The following XYLB variants were observed in gnomAD, a reference collection of about 807,000 sequenced individuals.
XYLB encodes xylulokinase, also known as xylulose kinase.
Under a neutral mutation model 78.7 loss-of-function variants are expected in XYLB, and 62 were observed. That is an observed-to-expected ratio of 0.79 (90% CI 0.64 to 0.97). The LOEUF is 0.97. XYLB is among the 50% of genes least tolerant of loss of function. The pLI is 0.00. For synonymous variants in XYLB, 245 were observed against 247.4 expected (o/e 0.99, Z 0.09); for missense variants, 687 against 676.8 (o/e 1.02, Z -0.17).
intron 18 of XYLB, among the ~76,000 whole-genome samples, chr3:38,407,814 A>G (rs1708392961): frequency 6.6e-6 from 1 of 151,086 alleles, no homozygotes; most frequent in Non-Finnish European, 1.5e-5. Context: ...TAAAGGGATC[A>G]GTTCAACAAG....
In XYLB at chr3:38,349,725, C is replaced by T. The variant is rs73064886; in HGVS notation, c.140+1093C>T. Among the ~76,000 whole-genome samples the T allele has an allele frequency of 1.2e-3, 182 of 152,266 alleles. 1 individual carries two copies. Among genetic ancestry groups the T allele is most frequent in the Non-Finnish European group, 1.7e-3 (118 of 68,018 alleles). ...AAGAGCGGAAATTTATATTCTCACA[C>T]ATCTGGCCGTTAGGAGTCTAAAATC... On this transcript the variant is annotated intron_variant, in intron 2 of 18. Transcript: ENST00000207870.
chr3:38,402,203 G>A (rs547803625), intron 18 of XYLB, among the ~76,000 whole-genome samples: 37 of 152,196 alleles, frequency 2.4e-4, no homozygotes, highest in African/African-American at 7.9e-4. Context: ...AAGAAACTGC[G>A]AGCAAACCTG....
In XYLB at chr3:38,351,171, C is replaced by CAAAAAA. The variant is rs58457623; in HGVS notation, c.140+2562_140+2567dup. Among the ~76,000 whole-genome samples, 53 of 23,084 alleles carry CAAAAAA rather than the reference C, an allele frequency of 2.3e-3. 7 individuals carry two copies. The highest frequency in any genetic ancestry group is 4.5e-3 in the East Asian group (4 of 898). 15.1% of individuals were successfully genotyped at this position (23,084 alleles called of 152,430 possible). ...TGGACAACAGAGGGAGAGCCTGTCT[C>CAAAAAA]AAAAAAAAAAAAAAAAAAAAAAAAA... On this transcript the variant is annotated intron_variant, in intron 2 of 18. Coordinates refer to ENST00000207870, the MANE Select transcript of XYLB (RefSeq NM_005108.4).
intron 2 of XYLB, among the ~76,000 whole-genome samples, chr3:38,352,213 T>G (rs944096515): frequency 3.3e-5 from 5 of 152,234 alleles, no homozygotes; most frequent in Non-Finnish European, 7.3e-5. Context: ...CTTTTTTTCT[T>G]TCTTTTTTTG....
At chr3:38,421,602 A>G (rs921830892), downstream of XYLB, among the ~76,000 whole-genome samples, 10 of 151,918 alleles carry the variant, frequency 6.6e-5, no homozygotes, top group Non-Finnish European at 7.3e-5. Context: ...AAAAAGGCAT[A>G]TAAGGATGGT....
intron 2 of XYLB, among the ~76,000 whole-genome samples, chr3:38,354,172 CAAGT>C (rs932925607): frequency 1.3e-5 from 2 of 151,400 alleles, no homozygotes; most frequent in Admixed American, 1.3e-4. Flanking sequence ...CTCCTGGGTT[CAAGT>C]GATTCTTCTG....
intron 15 of XYLB, among the ~76,000 whole-genome samples, chr3:38,389,670 C>T (rs1039404665): frequency 6.6e-6 from 1 of 152,168 alleles, no homozygotes; most frequent in Non-Finnish European, 1.5e-5. Flanking sequence ...TTTAGTTCAC[C>T]AGTAGTTGCA....
At chr3:38,429,344 G>T in the XYLB span, among the ~76,000 whole-genome samples, 1 of 152,226 alleles carries the variant, frequency 6.6e-6, no homozygotes, top group African/African-American at 2.4e-5. Flanking sequence ...ACCTGCAACA[G>T]CTTCTTTGTT....
At chr3:38,363,199 C>T (rs899841906) in intron 4 of XYLB, among the ~76,000 whole-genome samples, 182 bp downstream of exon 4, 9 of 152,092 alleles carry the variant, frequency 5.9e-5, no homozygotes, top group Non-Finnish European at 1.0e-4. Flanking sequence ...TAACTTGTCT[C>T]GTTGCAAAAG....
chr3:38,427,254 G>A, the XYLB span, among the ~76,000 whole-genome samples: 1 of 152,092 alleles, frequency 6.6e-6, no homozygotes, highest in African/African-American at 2.4e-5. Context: ...GCTGGTCTTG[G>A]CACCATGTTG....
At chr3:38,374,850 C>T (rs1706765060) in intron 11 of XYLB, among the ~76,000 whole-genome samples, 1 of 152,162 alleles carries the variant, frequency 6.6e-6, no homozygotes, top group African/African-American at 2.4e-5. Context: ...CCAGACATTC[C>T]TACTTCTAGT....
intron 18 of XYLB, among the ~76,000 whole-genome samples, chr3:38,405,272 C>T (rs1708265996): frequency 6.6e-6 from 1 of 150,752 alleles, no homozygotes; most frequent in South Asian, 2.1e-4. Flanking sequence ...CACGGTGGCT[C>T]ATACCTATAA....
the XYLB span, among the ~76,000 whole-genome samples, chr3:38,433,182 T>A: frequency 6.6e-6 from 1 of 152,226 alleles, no homozygotes; most frequent in Non-Finnish European, 1.5e-5. Context: ...GCTTGCACCC[T>A]CTGAAGCCAC....
chr3:38,432,189 T>G, the XYLB span, among the ~76,000 whole-genome samples: 1 of 152,202 alleles, frequency 6.6e-6, no homozygotes, highest in Non-Finnish European at 1.5e-5. Flanking sequence ...GAACTTAATT[T>G]CAGCATTAAC....
chr3:38,407,527 A>G (rs1246601459), intron 18 of XYLB, among the ~76,000 whole-genome samples: 3 of 151,624 alleles, frequency 2.0e-5, no homozygotes, highest in Non-Finnish European at 3.0e-5. Context: ...AAATTCACAC[A>G]TAACAATATT....
At chr3:38,370,343 G>A (rs1163446757) in intron 9 of XYLB, 169 bp downstream of exon 9, 38 of 598,934 alleles carry the variant, frequency 6.3e-5, no homozygotes, top group Non-Finnish European at 1.1e-4. Flanking sequence ...TAAGATGTAA[G>A]TCAGTGTCTG....
chr3:38,379,458 G>T, intron 15 of XYLB, 116 bp downstream of exon 15: 1 of 977,682 alleles, frequency 1.0e-6, no homozygotes, highest in South Asian at 1.4e-5. Context: ...GGGGACTTGT[G>T]CAGGAGGGAG....
At position 38,376,953 on chromosome 3, in the gene XYLB, AT is replaced by A; in HGVS notation, c.1158del (p.Ile387LeufsTer25). 6.2e-7 allele frequency: 1 copy of A among 1,614,132 alleles called. No individual in the cohort carries two copies. The highest frequency in any genetic ancestry group is 2.2e-5 in the East Asian group (1 of 44,884). ...TGATGTAATGGAGATCACCCCTGAA[AT>A]TATTGGACGTCATAGGTTTAACACA... The part of the protein sequence containing the change: ...YFDVMEITPE[I>X]IGRHRFNTEN... On this transcript the variant is annotated frameshift_variant, in exon 14 of 19. Coordinates refer to ENST00000207870, the MANE Select transcript of XYLB (RefSeq NM_005108.4). LOFTEE classifies it high-confidence loss of function.
chr3:38,375,123 C>G (rs781572444), intron 11 of XYLB, 21 bp from the exon 12 acceptor site: 1 of 1,605,382 alleles, frequency 6.2e-7, no homozygotes, highest in Non-Finnish European at 8.5e-7. Flanking sequence ...AAGGTGCCCA[C>G]CTCTGCCTAT....
Sources: gnomAD v4.1 joint callset for allele counts (sites outside exome capture counted in the v4.1 genomes callset) on GRCh38, gnomAD v4.1.1 for gene constraint, MANE v1.5 for transcripts, NCBI Gene and HGNC (gene_info 2026-07-23, HGNC 2026-07-21) for gene names.